The following SLC35E2B variants were observed in gnomAD, a reference collection of about 807,000 sequenced individuals.
The protein encoded by SLC35E2B is solute carrier family 35, member E2B.
A neutral mutation model predicts 32.4 loss-of-function variants in SLC35E2B; 18 were observed. The ratio of observed to expected loss-of-function variants is 0.56; its 90% CI spans 0.38 to 0.82. SLC35E2B has a LOEUF of 0.82. SLC35E2B is among the 40% of genes least tolerant of loss of function. SLC35E2B has a pLI of 0.00. For synonymous variants in SLC35E2B, 132 were observed against 209.1 expected (o/e 0.63, Z 3.18); for missense variants, 263 against 469.5 (o/e 0.56, Z 4.06).
Position 1,662,592 on chromosome 1 carries a change from G to C in SLC35E2B, c.*3190C>G, listed in dbSNP as rs567609429. 516 of 882,050 alleles carry C rather than the reference G, an allele frequency of 5.9e-4. 83 individuals carry two copies. Among genetic ancestry groups the C allele is most frequent in the Non-Finnish European group, 6.7e-4 (495 of 736,434 alleles). 54.6% of individuals were successfully genotyped at this position (882,050 alleles called of 1,614,324 possible). A position where few individuals can be genotyped will look rare whatever the true frequency, so the allele number is the denominator to read the frequency against. ...TTTTCACAAATTAAAGACACATTTT[G>C]GGTTGTGCAACAGTGTTCTCATCTT... On this transcript the variant is annotated 3_prime_UTR_variant, in exon 10 of 10. Transcript: ENST00000617444.
chr1:1,686,727 C>T (rs761740310), intron 2 of SLC35E2B, among the ~76,000 whole-genome samples: 7 of 151,618 alleles, frequency 4.6e-5, no homozygotes, highest in Non-Finnish European at 7.4e-5. Flanking sequence ...GATCATGCCA[C>T]CACACTCCAG....
Position 1,676,820 on chromosome 1 carries a change from C to G in SLC35E2B, c.-121G>C. On this transcript the variant is annotated 5_prime_UTR_variant, in exon 3 of 10. Transcript: ENST00000617444. ...GCCAGGAACGAGGCCACCAGGGCCT[C>G]TCCCAGGCAAAGCGCAGAAGCAGAC... is the stretch of plus-strand genomic sequence containing the variant. 3 of 1,494,908 alleles carry G rather than the reference C, an allele frequency of 2.0e-6. No homozygotes were observed. The highest frequency in any genetic ancestry group is 2.7e-6 in the Non-Finnish European group (3 of 1,127,306). 92.6% of individuals were successfully genotyped at this position (1,494,908 alleles called of 1,614,324 possible).
At chr1:1,680,032 C>A (rs1181654623) in intron 2 of SLC35E2B, among the ~76,000 whole-genome samples, 1 of 151,804 alleles carries the variant, frequency 6.6e-6, no homozygotes, top group Non-Finnish European at 1.5e-5. Flanking sequence ...GAGGCTGAGG[C>A]AGGAGAATCG....
Position 1,665,468 on chromosome 1 carries a change from C to T in SLC35E2B, c.*314G>A. 1.8e-6 allele frequency: 1 copy of T among 548,358 alleles called. No individual in the cohort carries two copies. Among genetic ancestry groups the T allele is most frequent in the East Asian group, 3.0e-5 (1 of 33,534 alleles). The allele number at this position is 548,358 out of a possible 1,614,324, so 34.0% of individuals were successfully genotyped here. A position where few individuals can be genotyped will look rare whatever the true frequency, so the allele number is the denominator to read the frequency against. ...GGACCCACCTCTGGCTCCCGGTGGA[C>T]CCTGGGGTGTCGCCCAGAGAGGAAG... On this transcript the variant is annotated 3_prime_UTR_variant, in exon 10 of 10. Transcript: ENST00000617444.
At chr1:1,678,587 C>T (rs1381705615) in intron 2 of SLC35E2B, among the ~76,000 whole-genome samples, 2 of 152,132 alleles carry the variant, frequency 1.3e-5, no homozygotes, top group East Asian at 3.8e-4. Context: ...GGACAGCTGC[C>T]TCCAAGGGCA....
At chr1:1,679,890 T>C (rs1570337576) in intron 2 of SLC35E2B, among the ~76,000 whole-genome samples, 2 of 150,526 alleles carry the variant, frequency 1.3e-5, no homozygotes, top group Admixed American at 1.3e-4. Flanking sequence ...CCCAGCACTT[T>C]GGGAGGCCGA....
chr1:1,666,046 G>A, intron 9 of SLC35E2B, 27 bp from the exon 10 acceptor site: 3 of 1,541,678 alleles, frequency 1.9e-6, no homozygotes, highest in Non-Finnish European at 2.6e-6. Flanking sequence ...AGGCAGCAGG[G>A]GCGCTCAGGG....
chr1:1,671,369 G>T, intron 6 of SLC35E2B, 140 bp downstream of exon 6: 4 of 968,250 alleles, frequency 4.1e-6, no homozygotes, highest in Non-Finnish European at 2.8e-6. Flanking sequence ...CTGTTGTTTT[G>T]CTCTTTAGGA....
At chr1:1,688,790 G>A (rs1393687847) in intron 2 of SLC35E2B, among the ~76,000 whole-genome samples, 3 of 152,190 alleles carry the variant, frequency 2.0e-5, no homozygotes, top group Non-Finnish European at 4.4e-5. Context: ...CAGGGAGGGG[G>A]CGGCAGCCGT....
intron 2 of SLC35E2B, among the ~76,000 whole-genome samples, chr1:1,684,196 C>T (rs1643925167): frequency 6.6e-6 from 1 of 152,202 alleles, no homozygotes; most frequent in Non-Finnish European, 1.5e-5. Context: ...CGTCCTTTGG[C>T]TCTTAATGTG....
At position 1,671,642 on chromosome 1, in the gene SLC35E2B, C is replaced by T. The variant is rs1205789566; in HGVS notation, c.587-13G>A. On this transcript the variant is annotated splice_polypyrimidine_tract_variant and intron_variant, in intron 5 of 9. Transcript: ENST00000617444. The stretch of plus-strand genomic sequence containing the variant: ...TTGACCAGCAGCCCTGGCGAGAGGA[C>T]AGCCCCTGTGAGTGGCTGACCCGCC... 6 of 1,531,426 alleles carry T rather than the reference C, an allele frequency of 3.9e-6. No homozygotes were observed. Among genetic ancestry groups the T allele is most frequent in the Admixed American group, 4.1e-5 (2 of 48,676 alleles). The allele number at this position is 1,531,426 out of a possible 1,614,324, so 94.9% of individuals were successfully genotyped here. A position where few individuals can be genotyped will look rare whatever the true frequency, so the allele number is the denominator to read the frequency against.
intron 2 of SLC35E2B, among the ~76,000 whole-genome samples, chr1:1,683,382 C>T (rs1180444979): frequency 6.6e-6 from 1 of 152,182 alleles, no homozygotes; most frequent in Non-Finnish European, 1.5e-5. Context: ...CCACGACACC[C>T]TCCTGAGGAT....
At chr1:1,684,273 T>A (rs1643925764) in intron 2 of SLC35E2B, among the ~76,000 whole-genome samples, 1 of 152,058 alleles carries the variant, frequency 6.6e-6, no homozygotes, top group African/African-American at 2.4e-5. Context: ...TAATGCAGAG[T>A]GGCTATAAGC....
chr1:1,687,057 A>AAAATAAAT (rs1476693156), intron 2 of SLC35E2B, among the ~76,000 whole-genome samples: 9 of 152,190 alleles, frequency 5.9e-5, no homozygotes, highest in Non-Finnish European at 7.4e-5. Flanking sequence ...CTCCGTCTCA[A>AAAATAAAT]AAACAAATAA....
chr1:1,665,934 C>T lies in SLC35E2B; in HGVS notation c.1066G>A (p.Gly356Ser), dbSNP rs1054436729. Residue 356 changes from glycine to serine, a missense_variant, in exon 10 of 10, where the codon GGC becomes AGC. By Grantham distance (56) the Gly-to-Ser change is moderately conservative. Around this residue, in one of 7 missense-constraint regions of SLC35E2B, gnomAD observed 78 missense variants for 71.1 expected, o/e 1.10. Transcript: ENST00000617444. ...GNKITSLSAVGTALVTVGVLL... is the reference protein window; with the variant it reads ...GNKITSLSAVSTALVTVGVLL... ...ACCCCAACGGTCACCAGGGCTGTGCCAACGGCCGACAAGCTGGTGATCTTG... is the reference window on the plus strand; with the variant it reads ...ACCCCAACGGTCACCAGGGCTGTGCTAACGGCCGACAAGCTGGTGATCTTG... 1.3e-6 allele frequency: 2 copies of T among 1,551,374 alleles called. No homozygotes were observed. The highest frequency in any genetic ancestry group is 1.7e-6 in the Non-Finnish European group (2 of 1,146,996).
chr1:1,671,423 T>G (rs970443942), intron 6 of SLC35E2B, 86 bp downstream of exon 6: 9 of 1,297,602 alleles, frequency 6.9e-6, no homozygotes, highest in Non-Finnish European at 7.9e-6. Context: ...CGGGAGGAAT[T>G]CTCAGCTCAC....
At chr1:1,674,453 C>T (rs1437290948) in intron 5 of SLC35E2B, 2 of 151,934 alleles carry the variant, frequency 1.3e-5, no homozygotes, top group Non-Finnish European at 2.9e-5. Context: ...CAAAAAGACA[C>T]ACAAAATACA....
At position 1,663,343 on chromosome 1, in the gene SLC35E2B, G is replaced by A; in HGVS notation, c.*2439C>T. The A allele has an allele frequency of 1.0e-6, 1 of 971,870 alleles. No individual in the cohort carries two copies. Among genetic ancestry groups the A allele is most frequent in the African/African-American group, 1.8e-5 (1 of 57,112 alleles). The allele number at this position is 971,870 out of a possible 1,614,324, so 60.2% of individuals were successfully genotyped here. ...ACCAGGCGCCTGCACCTCTCCTTAT[G>A]CCAGACCACAATCTTCAAAGAGGCC... On this transcript the variant is annotated 3_prime_UTR_variant, in exon 10 of 10. Transcript: ENST00000617444.
chr1:1,663,325 G>A lies in SLC35E2B; in HGVS notation c.*2457C>T, dbSNP rs912203161. 1.6e-5 allele frequency: 16 copies of A among 979,812 alleles called. 1 individual carries two copies. The Admixed American group carries it at 1.9e-4, about 12-fold the overall frequency. The allele number at this position is 979,812 out of a possible 1,614,324, so 60.7% of individuals were successfully genotyped here. ...AATTCCAAGGTGCTCAGAACCAGGC[G>A]CCTGCACCTCTCCTTATGCCAGACC... is the stretch of plus-strand genomic sequence containing the variant. On this transcript the variant is annotated 3_prime_UTR_variant, in exon 10 of 10. Transcript: ENST00000617444.
Sources: gnomAD v4.1 joint callset for allele counts (sites outside exome capture counted in the v4.1 genomes callset) on GRCh38, gnomAD v4.1.1 for gene constraint, gnomAD v4.1.1 regional missense constraint, MANE v1.5 for transcripts, NCBI Gene and HGNC (gene_info 2026-07-23, HGNC 2026-07-21) for gene names.